Variants in TET2 observed in about 807,000 individuals in gnomAD.
TET2 encodes methylcytosine dioxygenase TET2.
A neutral mutation model predicts 142.9 loss-of-function variants in TET2; 299 were observed. That is an observed-to-expected ratio of 2.09 (90% CI 1.90 to 2.30). The LOEUF (loss-of-function observed/expected upper bound fraction) is 2.30, where lower values mean the gene tolerates loss of function less well. Ranked by LOEUF, TET2 falls within the 30% of genes most tolerant of loss-of-function variation. The pLI, the probability that TET2 is intolerant of heterozygous loss-of-function variation, is 0.00. For missense variants in TET2, 2,418 were observed against 2,378.0 expected (o/e 1.02, Z -0.35); for synonymous variants, 819 against 849.0 (o/e 0.96, Z 0.61).
intron 2 of TET2, among the ~76,000 whole-genome samples, chr4:105,212,272 C>G (rs1727216085): frequency 6.6e-6 from 1 of 152,094 alleles, no homozygotes; most frequent in Admixed American, 6.6e-5. Context: ...TCTGCTTTGC[C>G]AAATGATCTA....
chr4:105,243,263 T>G (rs865909334), intron 5 of TET2, among the ~76,000 whole-genome samples: 1 of 152,210 alleles, frequency 6.6e-6, no homozygotes, highest in Non-Finnish European at 1.5e-5. Context: ...AACTAAGACT[T>G]ATGTATCTTT....
In TET2 at chr4:105,155,021, T is replaced by C. The variant is rs549398537; in HGVS notation, c.-193+8042T>C. ...GCCTGGGTGACAAAATGAGACCCTC[T>C]CTCTCAAAAAAAAACTATAAAAATT... On this transcript the variant is annotated intron_variant, in intron 1 of 10. Transcript: ENST00000380013. 7.0e-4 allele frequency among the ~76,000 whole-genome samples: 107 copies of C among 152,050 alleles called. 5 individuals carry two copies. In the South Asian group the frequency reaches 0.022, roughly 31 times the overall value.
At chr4:105,171,900 A>T (rs910163871) in intron 1 of TET2, among the ~76,000 whole-genome samples, 1 of 152,134 alleles carries the variant, frequency 6.6e-6, no homozygotes, top group Admixed American at 6.5e-5. Context: ...TCACCTTCAT[A>T]TGTCCATAGC....
At chr4:105,252,781 G>A (rs1729936002) in intron 6 of TET2, among the ~76,000 whole-genome samples, 1 of 152,014 alleles carries the variant, frequency 6.6e-6, no homozygotes, top group African/African-American at 2.4e-5. Context: ...TTACATTTAG[G>A]GCTGTGACCC....
In TET2 at chr4:105,272,682, C is replaced by T. The variant is rs1560571465; in HGVS notation, c.4301C>T (p.Ala1434Val). The change falls in exon 10 of 11, where the codon GCT (alanine) becomes GTT (valine). Residue 1434 changes from alanine to valine, a missense_variant. Transcript: ENST00000380013. ...SDVDEFGSVE[A>V]QEEKKRSGAI... ...GTGGATGAGTTTGGGAGTGTGGAAG[C>T]TCAGGAGGAGAAAAAACGGAGTGGT... 1 of 1,551,650 alleles carries T rather than the reference C, an allele frequency of 6.4e-7. No homozygotes were observed. The highest frequency in any genetic ancestry group is 2.0e-5 in the Admixed American group (1 of 50,998).
intron 3 of TET2, chr4:105,240,481 A>T: frequency 9.3e-7 from 1 of 1,077,366 alleles, no homozygotes; most frequent in Non-Finnish European, 1.1e-6. Flanking sequence ...ATTTGAAAAG[A>T]CAAATGTTAA....
chr4:105,178,443 G>A (rs956449071), intron 1 of TET2, among the ~76,000 whole-genome samples: 1 of 152,192 alleles, frequency 6.6e-6, no homozygotes, highest in Non-Finnish European at 1.5e-5. Context: ...GGAATGTATA[G>A]GCAAATTTTT....
rs1035123262 is a variant in TET2, at chr4:105,277,591, A to T, written c.*1072A>T. The T allele has an allele frequency of 4.4e-6, 1 of 228,668 alleles. No homozygotes were observed. The highest frequency in any genetic ancestry group is 2.2e-5 in the African/African-American group (1 of 45,122). 14.2% of individuals were successfully genotyped at this position (228,668 alleles called of 1,614,324 possible). On this transcript the variant is annotated 3_prime_UTR_variant, in exon 11 of 11. Transcript: ENST00000380013. ...CATCTGCTGATGAGCAATTGTGTCC[A>T]TTTTTAACACAGCCAGTTAAATCCA...
At chr4:105,207,733 C>G (rs1158815740) in intron 2 of TET2, among the ~76,000 whole-genome samples, 2 of 152,084 alleles carry the variant, frequency 1.3e-5, no homozygotes, top group African/African-American at 4.8e-5. Context: ...CTCTAGGAAC[C>G]AAATTTAACT....
intron 6 of TET2, among the ~76,000 whole-genome samples, chr4:105,255,360 T>C (rs1730070459): frequency 6.6e-6 from 1 of 152,240 alleles, no homozygotes; most frequent in Non-Finnish European, 1.5e-5. Flanking sequence ...TGCACAATTT[T>C]TGCAGTGTTA....
chr4:105,255,135 T>C (rs560905088), intron 6 of TET2, among the ~76,000 whole-genome samples: 1 of 152,338 alleles, frequency 6.6e-6, no homozygotes, highest in East Asian at 1.9e-4. Flanking sequence ...TCTTCTTCAG[T>C]CAATTTTAGT....
At chr4:105,148,770 G>A (rs1185379208) in intron 1 of TET2, among the ~76,000 whole-genome samples, 1 of 152,134 alleles carries the variant, frequency 6.6e-6, no homozygotes, top group African/African-American at 2.4e-5. Context: ...AACGGTTAAT[G>A]AAGTGTTGGA....
At chr4:105,155,349 A>G (rs2866773) in intron 1 of TET2, among the ~76,000 whole-genome samples, 9,348 of 152,338 alleles carry the variant, frequency 0.061, 383 homozygotes, top group Non-Finnish European at 0.087. Context: ...GCTTTGCAGC[A>G]GTCTTCATAA....
At chr4:105,172,605 T>C (rs2110421244) in intron 1 of TET2, 1 of 152,344 alleles carries the variant, frequency 6.6e-6, no homozygotes, top group Middle Eastern at 3.4e-3. Context: ...ACGGTATTTG[T>C]TACATTGCAT....
At chr4:105,265,988 G>A (rs1186284473) in intron 8 of TET2, among the ~76,000 whole-genome samples, 2 of 152,154 alleles carry the variant, frequency 1.3e-5, no homozygotes, top group East Asian at 3.8e-4. Context: ...TCACTATTCA[G>A]AATATCAGAG....
chr4:105,270,268 C>T (rs1730887087), intron 9 of TET2, among the ~76,000 whole-genome samples: 1 of 152,162 alleles, frequency 6.6e-6, no homozygotes, highest in Non-Finnish European at 1.5e-5. Flanking sequence ...CCTGCTTTGG[C>T]ATAACTAGCA....
intron 1 of TET2, chr4:105,171,226 T>G (rs1175657106): frequency 2.6e-5 from 4 of 152,154 alleles, no homozygotes. Flanking sequence ...GCACAGTGCC[T>G]GGCACATTAT....
intron 6 of TET2, among the ~76,000 whole-genome samples, chr4:105,256,549 G>C (rs1398332908): frequency 6.6e-6 from 1 of 152,024 alleles, no homozygotes; most frequent in Non-Finnish European, 1.5e-5. Context: ...TCAGCAGTTT[G>C]GTTATGATGT....
rs760039735 is a variant in TET2, at chr4:105,234,314, C to T, written c.372C>T (p.Asn124=). ...AAAAGGCTAATGGAGAAAGACGTAA[C>T]TTCGGGGTAAGCCAAGAAAGAAATC... ...QDQKANGERR[N]FGVSQERNPG... The change falls in exon 3 of 11, where the codon AAC becomes AAT. Residue 124 remains asparagine, a synonymous_variant. Transcript: ENST00000380013. The T allele has an allele frequency of 5.0e-6, 8 of 1,613,968 alleles. No individual in the cohort carries two copies. Among genetic ancestry groups the T allele is most frequent in the Non-Finnish European group, 5.9e-6 (7 of 1,180,004 alleles).
Sources: gnomAD v4.1 joint callset for allele counts (sites outside exome capture counted in the v4.1 genomes callset) on GRCh38, gnomAD v4.1.1 for gene constraint, MANE v1.5 for transcripts, NCBI Gene and HGNC (gene_info 2026-07-23, HGNC 2026-07-21) for gene names.